The following COL18A1 variants were observed in gnomAD, a reference collection of about 807,000 sequenced individuals.
COL18A1 encodes the protein collagen alpha-1(XVIII) chain.
A neutral mutation model predicts 168.0 loss-of-function variants in COL18A1; 133 were observed. The observed-to-expected ratio is 0.79, with a 90% CI of 0.69 to 0.91. COL18A1 has a LOEUF of 0.91. Among genes scored for constraint, COL18A1 ranks in the 40% least tolerant of loss-of-function variants. The pLI, the probability that COL18A1 is intolerant of heterozygous loss-of-function variation, is 0.00. For missense variants in COL18A1, 2,126 were observed against 1,925.4 expected, an observed-to-expected ratio of 1.10 and a Z score of -1.95; for synonymous variants, 949 against 809.0, an observed-to-expected ratio of 1.17 and a Z score of -2.94.
At chr21:45,496,044 C>A in intron 29 of COL18A1, 3 of 359,180 alleles carry the variant, frequency 8.4e-6, no homozygotes, top group Non-Finnish European at 1.1e-5. Context: ...CCTGTGGATT[C>A]TCAGCAGGGC....
intron 9 of COL18A1, among the ~76,000 whole-genome samples, chr21:45,478,875 C>T (rs574968087): frequency 1.2e-4 from 19 of 152,316 alleles, no homozygotes; most frequent in Admixed American, 3.9e-4. Context: ...CCGTCACGAA[C>T]GCTGGACAGG....
intron 2 of COL18A1, among the ~76,000 whole-genome samples, chr21:45,426,026 C>T (rs114694566): frequency 0.03 from 4,558 of 152,244 alleles, 204 homozygotes; most frequent in African/African-American, 0.096. Flanking sequence ...CCCGCCCCCT[C>T]CTGCTTCCCC....
intron 2 of COL18A1, among the ~76,000 whole-genome samples, chr21:45,429,276 AC>A (rs982859993): frequency 1.3e-5 from 2 of 152,054 alleles, no homozygotes; most frequent in African/African-American, 4.8e-5. Context: ...CCTTTGGAAA[AC>A]ATTTCAGCCA....
intron 2 of COL18A1, among the ~76,000 whole-genome samples, chr21:45,441,330 G>A (rs2145816546): frequency 6.6e-6 from 1 of 152,298 alleles, no homozygotes; most frequent in South Asian, 2.1e-4. Context: ...GGAAGCAATG[G>A]GGCAAGACGC....
Position 45,498,682 on chromosome 21 carries a change from C to T in COL18A1, c.2683+1021C>T. The T allele has an allele frequency of 1.5e-6, 1 of 666,600 alleles. No individual in the cohort carries two copies. The highest frequency in any genetic ancestry group is 2.8e-6 in the Non-Finnish European group (1 of 360,332). 41.3% of individuals were successfully genotyped at this position (666,600 alleles called of 1,614,324 possible). Reference sequence around the variant, plus strand: ...ATGTGCCCATGCCAGCCTTGGATCTCTCAGCGTCACACACGACGCCCAGGA... The same window carrying T: ...ATGTGCCCATGCCAGCCTTGGATCTTTCAGCGTCACACACGACGCCCAGGA... On this transcript the variant is annotated intron_variant, in intron 32 of 41. Coordinates refer to ENST00000651438, the MANE Select transcript of COL18A1 (RefSeq NM_001379500.1). This position sits in a 1 kb window ranked among gnomAD's most constrained non-coding sequence, Gnocchi z 4.5.
rs1223998657 is a variant in COL18A1 at position 45,493,256 on chromosome 21, C to T, written c.2277+31C>T. On this transcript the variant is annotated intron_variant, in intron 25 of 41. Coordinates refer to ENST00000651438, the MANE Select transcript of COL18A1 (RefSeq NM_001379500.1). ...GGGCTCAGGTGCTGTCCCTCAACCC[C>T]CTTTGTGACCCAGGGGTGGCTCCAG... 2.6e-6 allele frequency: 4 copies of T among 1,550,010 alleles called. No homozygotes were observed. The East Asian group carries it at 7.3e-5, about 28-fold the overall frequency.
chr21:45,470,861 T>G (rs2035396793), intron 3 of COL18A1, among the ~76,000 whole-genome samples: 1 of 152,144 alleles, frequency 6.6e-6, no homozygotes, highest in Non-Finnish European at 1.5e-5. Context: ...AGTGAAACCT[T>G]GGAAGGTCAG....
chr21:45,457,105 C>T lies in COL18A1; in HGVS notation c.107-11137C>T, dbSNP rs1037535617. Among the ~76,000 whole-genome samples, 16 of 152,186 alleles carry T rather than the reference C, an allele frequency of 1.1e-4. 1 individual carries two copies. Among genetic ancestry groups the T allele is most frequent in the African/African-American group, 3.4e-4 (14 of 41,510 alleles). ...GCTGGATGAACCGCAGCCGATGTGTCCAGGTGCCACCTGGGCCTGGAGCTC... is the reference window on the plus strand; with the variant it reads ...GCTGGATGAACCGCAGCCGATGTGTTCAGGTGCCACCTGGGCCTGGAGCTC... On this transcript the variant is annotated intron_variant, in intron 2 of 41. Transcript: ENST00000651438. The surrounding 1 kb of genome is among the most constrained non-coding windows in gnomAD (Gnocchi z 4.6).
In COL18A1 at chr21:45,457,694, A is replaced by G. The variant is rs977323590; in HGVS notation, c.107-10548A>G. Among the ~76,000 whole-genome samples the G allele has an allele frequency of 6.6e-6, 1 of 152,110 alleles. No homozygotes were observed. The highest frequency in any genetic ancestry group is 1.5e-5 in the Non-Finnish European group (1 of 68,008). ...CTGCCCCATTCAGATTCTGCTTGCT[A>G]TGTGCACCTGGCAGCCTTGGCCCAG... On this transcript the variant is annotated intron_variant, in intron 2 of 41. Coordinates refer to ENST00000651438, the MANE Select transcript of COL18A1 (RefSeq NM_001379500.1). This position sits in a 1 kb window ranked among gnomAD's most constrained non-coding sequence, Gnocchi z 4.6.
chr21:45,431,553 G>T (rs1243705876), intron 2 of COL18A1, among the ~76,000 whole-genome samples: 26 of 149,270 alleles, frequency 1.7e-4, no homozygotes, highest in Non-Finnish European at 3.1e-4. Flanking sequence ...CCCAGGGGAG[G>T]GGGGCAGGCA....
Position 45,493,506 on chromosome 21 carries a change from G to A in COL18A1, c.2283G>A (p.Glu761=), listed in dbSNP as rs2036430361. Residue 761 remains glutamate (E), a synonymous_variant, in exon 26 of 42, where the codon GAG becomes GAA. Transcript: ENST00000651438. ...TGGACCTCCTGCCATTCCAGGGTGA[G>A]AAGGGTGAACCGGGCAGCATCTTCA... ...GERGSPGPKG[E]KGEPGSIFSP... The A allele has an allele frequency of 6.4e-7, 1 of 1,560,070 alleles. No individual in the cohort carries two copies. Among genetic ancestry groups the A allele is most frequent in the Non-Finnish European group, 8.7e-7 (1 of 1,152,972 alleles).
chr21:45,425,877 G>T lies in COL18A1; in HGVS notation c.106+20404G>T, dbSNP rs200997166. On this transcript the variant is annotated intron_variant, in intron 2 of 41. Transcript: ENST00000651438. This position sits in a 1 kb window ranked among gnomAD's most constrained non-coding sequence, Gnocchi z 4.1. ...CATCTGTGCGTGCAAACTTCATTCT[G>T]ACTTCGGCCGGCTGTCCTTCTTGCC... Among the ~76,000 whole-genome samples the T allele has an allele frequency of 2.4e-3, 367 of 152,238 alleles. 2 individuals are homozygous for T. Among genetic ancestry groups the T allele is most frequent in the African/African-American group, 8.5e-3 (351 of 41,534 alleles).
chr21:45,480,722 C>T lies in COL18A1; in HGVS notation c.1475C>T (p.Pro492Leu). The change falls in exon 13 of 42, where the codon CCT (proline) becomes CTT (leucine). Residue 492 changes from proline to leucine, a missense_variant. Pro to Leu is a moderately conservative substitution (Grantham distance 98). Transcript: ENST00000651438. ...CAGGGTCCTCGAGGCTTCCCTGGACCTCCCGGACCCCCCGGTGTCCCAGGC... is the reference window on the plus strand; with the variant it reads ...CAGGGTCCTCGAGGCTTCCCTGGACTTCCCGGACCCCCCGGTGTCCCAGGC... ...ALRGPRGFPG[P>L]PGPPGVPGLP... is the part of the protein sequence containing the mutation. 1.2e-6 allele frequency: 2 copies of T among 1,610,792 alleles called. No individual in the cohort carries two copies. The highest frequency in any genetic ancestry group is 2.2e-5 in the East Asian group (1 of 44,862).
intron 2 of COL18A1, among the ~76,000 whole-genome samples, chr21:45,439,804 G>A (rs1017008226): frequency 2.0e-5 from 3 of 152,244 alleles, no homozygotes; most frequent in African/African-American, 4.8e-5. Context: ...AGATGCTCGG[G>A]AAATGCCGCT....
rs926215528 is a variant in COL18A1 at position 45,457,918 on chromosome 21, A to G, written c.107-10324A>G. On this transcript the variant is annotated intron_variant, in intron 2 of 41. Coordinates refer to ENST00000651438, the MANE Select transcript of COL18A1 (RefSeq NM_001379500.1). The surrounding 1 kb of genome is among the most constrained non-coding windows in gnomAD (Gnocchi z 4.6). ...GCCCACCCACCAGGCTCCGTGAGGG[A>G]TGACGAGCTTGGTGATTCCCCTTGA... 9.2e-5 allele frequency among the ~76,000 whole-genome samples: 14 copies of G among 152,092 alleles called. No homozygotes were observed. The highest frequency in any genetic ancestry group is 3.4e-4 in the African/African-American group (14 of 41,420).
chr21:45,505,226 C>CGGCCCCCCA lies in COL18A1; in HGVS notation c.2973_2981dup (p.Gly994_Pro996dup), dbSNP rs759403198. On this transcript the variant is annotated inframe_insertion, in exon 35 of 42. Transcript: ENST00000651438. Reference sequence around the variant, plus strand: ...GCTACGAGGGGCGCCAGGGCCCTCCCGGCCCCCCAGGCCCCCCAGGGCCCC... The same window carrying CGGCCCCCCA: ...GCTACGAGGGGCGCCAGGGCCCTCCCGGCCCCCCAGGCCCCCCAGGCCCCCCAGGGCCCC... 677 of 1,579,476 alleles carry CGGCCCCCCA rather than the reference C, an allele frequency of 4.3e-4. 6 individuals are homozygous for CGGCCCCCCA. In the South Asian group the frequency reaches 5.7e-3, roughly 13 times the overall value.
At chr21:45,438,222 ACACT>A (rs143470974) in intron 2 of COL18A1, among the ~76,000 whole-genome samples, 3,984 of 112,500 alleles carry the variant, frequency 0.035, 301 homozygotes, top group African/African-American at 0.043. Context: ...ACACACTCAC[ACACT>A]CAGACACACA....
At chr21:45,421,266 A>G (rs2033614303) in intron 2 of COL18A1, 1 of 378,146 alleles carries the variant, frequency 2.6e-6, no homozygotes, top group South Asian at 2.0e-5. Flanking sequence ...GTGAAGCCAG[A>G]TCTGGGATCC....
In COL18A1 at chr21:45,505,261, C is replaced by T. The variant is rs768212233; in HGVS notation, c.2996C>T (p.Pro999Leu). 4.4e-6 allele frequency: 7 copies of T among 1,608,316 alleles called. No individual in the cohort carries two copies. Among genetic ancestry groups the T allele is most frequent in the Non-Finnish European group, 5.9e-6 (7 of 1,176,716 alleles). ...PPGPPGPPSF[P>L]GPHRQTISVP... Reference sequence around the variant, plus strand: ...GGCCCCCCAGGGCCCCCTTCATTTCCTGGCCCTCACAGGCAGAGTAAGTCA... The same window carrying T: ...GGCCCCCCAGGGCCCCCTTCATTTCTTGGCCCTCACAGGCAGAGTAAGTCA... Residue 999 changes from proline (P) to leucine (L), a missense_variant, in exon 35 of 42, where the codon CCT becomes CTT. Transcript: ENST00000651438.
Sources: gnomAD v4.1 joint callset for allele counts (sites outside exome capture counted in the v4.1 genomes callset) on GRCh38, gnomAD v4.1.1 for gene constraint, Gnocchi (gnomAD v3.1) non-coding constraint, MANE v1.5 for transcripts, NCBI Gene and HGNC (gene_info 2026-07-23, HGNC 2026-07-21) for gene names.